The following GPATCH2 variants were observed in gnomAD, a reference collection of about 807,000 sequenced individuals.
GPATCH2 encodes the protein G patch domain-containing protein 2.
In GPATCH2, 51 loss-of-function variants were observed where a neutral mutation model predicts 58.0. That is an observed-to-expected ratio of 0.88 (90% CI 0.70 to 1.11). The LOEUF (loss-of-function observed/expected upper bound fraction) is 1.11, where lower values mean the gene tolerates loss of function less well. GPATCH2 is among the 50% of genes most tolerant of loss of function. The pLI is 0.00. For missense variants in GPATCH2, 625 were observed against 652.2 expected (o/e 0.96, Z 0.45); for synonymous variants, 222 against 218.5 (o/e 1.02, Z -0.14).
chr1:217,434,533 T>G (rs1416993081), intron 9 of GPATCH2, among the ~76,000 whole-genome samples: 1 of 152,224 alleles, frequency 6.6e-6, no homozygotes, highest in East Asian at 1.9e-4. Flanking sequence ...TGCCATGAAT[T>G]AATTTACTTC....
intron 5 of GPATCH2, among the ~76,000 whole-genome samples, chr1:217,571,436 T>C (rs1288395114): frequency 1.3e-5 from 2 of 151,936 alleles, no homozygotes; most frequent in Non-Finnish European, 2.9e-5. Flanking sequence ...ATAACTTGTG[T>C]TCCCAGAGCA....
intron 5 of GPATCH2, among the ~76,000 whole-genome samples, chr1:217,549,758 A>T (rs1270291839): frequency 6.6e-6 from 1 of 152,210 alleles, no homozygotes; most frequent in Non-Finnish European, 1.5e-5. Context: ...AAAACATAGA[A>T]AGACTTCCTA....
chr1:217,577,808 T>C (rs182560706), intron 5 of GPATCH2, among the ~76,000 whole-genome samples: 1 of 152,174 alleles, frequency 6.6e-6, no homozygotes, highest in Admixed American at 6.5e-5. Context: ...AGTGCAATGG[T>C]GCGATCTCAG....
chr1:217,454,345 C>T (rs528777733), intron 8 of GPATCH2, among the ~76,000 whole-genome samples: 9 of 152,084 alleles, frequency 5.9e-5, no homozygotes, highest in East Asian at 2.0e-4. Flanking sequence ...ATCCCAGCAC[C>T]TTGGGAGGCT....
chr1:217,526,223 T>C (rs1663898960), intron 5 of GPATCH2, among the ~76,000 whole-genome samples: 1 of 152,192 alleles, frequency 6.6e-6, no homozygotes, highest in African/African-American at 2.4e-5. Flanking sequence ...TCAACACTTT[T>C]AAACTGACAA....
intron 7 of GPATCH2, among the ~76,000 whole-genome samples, chr1:217,494,063 G>A (rs1661886784): frequency 6.6e-6 from 1 of 152,122 alleles, no homozygotes; most frequent in South Asian, 2.1e-4. Context: ...TCTCAGAGAG[G>A]CCACCAATCT....
At position 217,608,462 on chromosome 1, in the gene GPATCH2, G is replaced by A. The variant is rs1195259166; in HGVS notation, c.1098+1859C>T. On this transcript the variant is annotated intron_variant, in intron 5 of 9. Coordinates refer to ENST00000366935, the MANE Select transcript of GPATCH2 (RefSeq NM_018040.5). ...GGAAAGCAGCTTTTAGTATGGTTAAGCCATGTATCATCAATACCATGAAGC... is the reference window on the plus strand; with the variant it reads ...GGAAAGCAGCTTTTAGTATGGTTAAACCATGTATCATCAATACCATGAAGC... 6 of 984,942 alleles carry A rather than the reference G, an allele frequency of 6.1e-6. No individual in the cohort carries two copies. The East Asian group carries it at 5.7e-4, about 93-fold the overall frequency. 61.0% of individuals were successfully genotyped at this position (984,942 alleles called of 1,614,324 possible).
At chr1:217,451,001 A>G (rs954204754) in intron 8 of GPATCH2, among the ~76,000 whole-genome samples, 1 of 152,170 alleles carries the variant, frequency 6.6e-6, no homozygotes, top group Non-Finnish European at 1.5e-5. Flanking sequence ...GGAGGGGGAA[A>G]AGAGAAGATG....
Position 217,630,994 on chromosome 1 carries a change from C to T in GPATCH2, c.-23G>A. ...CATTAACGACACCCGGGAGCCTGGC[C>T]TCGAAGCTCAGGCCCGTGAACAGAC... On this transcript the variant is annotated 5_prime_UTR_variant, in exon 1 of 10. Coordinates refer to ENST00000366935, the MANE Select transcript of GPATCH2 (RefSeq NM_018040.5). The T allele has an allele frequency of 6.3e-7, 1 of 1,577,454 alleles. No homozygotes were observed. Among genetic ancestry groups the T allele is most frequent in the African/African-American group, 1.3e-5 (1 of 74,350 alleles).
chr1:217,572,414 G>A (rs889365785), intron 5 of GPATCH2, among the ~76,000 whole-genome samples: 2 of 152,068 alleles, frequency 1.3e-5, no homozygotes, highest in African/African-American at 4.8e-5. Flanking sequence ...GGACACAAAG[G>A]CAAATATATA....
intron 8 of GPATCH2, among the ~76,000 whole-genome samples, chr1:217,489,236 C>G (rs918685893): frequency 8.6e-5 from 13 of 151,652 alleles, no homozygotes; most frequent in African/African-American, 3.1e-4. Flanking sequence ...GTTAATTAAT[C>G]CATTTTTAAA....
At chr1:217,562,108 A>C (rs535303576) in intron 5 of GPATCH2, among the ~76,000 whole-genome samples, 4 of 152,322 alleles carry the variant, frequency 2.6e-5, no homozygotes, top group Admixed American at 2.6e-4. Flanking sequence ...CAACCTTAGC[A>C]ATTCCAAATG....
intron 9 of GPATCH2, among the ~76,000 whole-genome samples, chr1:217,447,167 C>T (rs1659430341): frequency 6.6e-6 from 1 of 152,114 alleles, no homozygotes; most frequent in African/African-American, 2.4e-5. Flanking sequence ...CAAAATGTGG[C>T]TACATGTTCC....
intron 5 of GPATCH2, among the ~76,000 whole-genome samples, chr1:217,570,053 G>A (rs1666459224): frequency 6.6e-6 from 1 of 151,952 alleles, no homozygotes; most frequent in South Asian, 2.1e-4. Flanking sequence ...AAATGTATGG[G>A]TAACAATATT....
At chr1:217,444,788 G>C (rs1476340185) in intron 9 of GPATCH2, among the ~76,000 whole-genome samples, 2 of 152,092 alleles carry the variant, frequency 1.3e-5, no homozygotes, top group South Asian at 2.1e-4. Flanking sequence ...ATCTACAGCA[G>C]CTATATGCAC....
At chr1:217,454,976 G>A (rs1429266928) in intron 8 of GPATCH2, among the ~76,000 whole-genome samples, 1 of 152,004 alleles carries the variant, frequency 6.6e-6, no homozygotes, top group Non-Finnish European at 1.5e-5. Context: ...AGCTTTTTGT[G>A]CATGATCTCT....
At chr1:217,563,009 C>T (rs912842168) in intron 5 of GPATCH2, among the ~76,000 whole-genome samples, 2 of 152,104 alleles carry the variant, frequency 1.3e-5, no homozygotes, top group South Asian at 2.1e-4. Flanking sequence ...GACAAGTTTG[C>T]TAAGTTGCTA....
chr1:217,434,627 G>A (rs1366584725), intron 9 of GPATCH2, among the ~76,000 whole-genome samples: 1 of 152,150 alleles, frequency 6.6e-6, no homozygotes, highest in African/African-American at 2.4e-5. Flanking sequence ...AGGATAGCTT[G>A]CAAAAGTTCA....
At chr1:217,506,983 C>T (rs1662595537) in intron 6 of GPATCH2, among the ~76,000 whole-genome samples, 1 of 152,156 alleles carries the variant, frequency 6.6e-6, no homozygotes, top group Non-Finnish European at 1.5e-5. Context: ...TATGTGTCAG[C>T]ATATAATTAT....
Sources: allele counts gnomAD v4.1 joint callset (sites outside exome capture counted in the v4.1 genomes callset), GRCh38; gene constraint gnomAD v4.1.1; transcripts MANE v1.5; gene names NCBI Gene and HGNC (gene_info 2026-07-23, HGNC 2026-07-21).